LMF1: variants seen among roughly 807,000 people sequenced by gnomAD.
LMF1 encodes the protein transmembrane protein 112.
Under a neutral mutation model 60.6 loss-of-function variants are expected in LMF1, and 68 were observed. That is an observed-to-expected ratio of 1.12 (90% CI 0.92 to 1.37). LMF1 has a LOEUF of 1.37. Ranked by LOEUF, LMF1 falls within the 40% of genes most tolerant of loss-of-function variation. The pLI, the probability that LMF1 is intolerant of heterozygous loss-of-function variation, is 0.00. For synonymous variants in LMF1, 418 were observed against 324.7 expected (o/e 1.29, Z -3.09); for missense variants, 948 against 767.2 (o/e 1.24, Z -2.78).
intron 1 of LMF1, among the ~76,000 whole-genome samples, chr16:965,677 T>G (rs564216150): frequency 6.6e-6 from 1 of 151,992 alleles, no homozygotes; most frequent in South Asian, 2.1e-4. Context: ...AAAAAGAGAA[T>G]CCACCAGCAA....
intron 1 of LMF1, among the ~76,000 whole-genome samples, chr16:954,986 G>C (rs2072643399): frequency 1.3e-5 from 2 of 150,872 alleles, no homozygotes; most frequent in South Asian, 4.2e-4. Context: ...AAGTGAACCA[G>C]ACACGTTACA....
intron 10 of LMF1, among the ~76,000 whole-genome samples, chr16:866,263 G>C (rs1234681014): frequency 1.3e-5 from 2 of 152,230 alleles, no homozygotes; most frequent in African/African-American, 2.4e-5. Flanking sequence ...CATGCTGGTA[G>C]AGACAGGGGT....
At chr16:942,688 T>G (rs2072135007) in intron 2 of LMF1, among the ~76,000 whole-genome samples, 1 of 140,450 alleles carries the variant, frequency 7.1e-6, no homozygotes, top group Non-Finnish European at 1.6e-5. Flanking sequence ...CTCTGTGTCC[T>G]CTCTCTGTGG....
intron 2 of LMF1, among the ~76,000 whole-genome samples, chr16:937,358 T>C (rs5015439): frequency 0.48 from 72,267 of 151,956 alleles, 18,802 homozygotes; most frequent in African/African-American, 0.69. Context: ...AGTCCTTTCC[T>C]GGACAGTGGG....
chr16:880,141 C>T (rs966561662), intron 5 of LMF1, among the ~76,000 whole-genome samples: 1 of 152,164 alleles, frequency 6.6e-6, no homozygotes, highest in African/African-American at 2.4e-5. Flanking sequence ...CACAGGCGGC[C>T]CCTCAGGCTC....
chr16:893,880 A>G (rs1347241873), intron 4 of LMF1, among the ~76,000 whole-genome samples: 2 of 152,070 alleles, frequency 1.3e-5, no homozygotes, highest in Non-Finnish European at 2.9e-5. Flanking sequence ...ACACTGGTGC[A>G]TGGGAGGTGA....
chr16:964,852 G>A (rs1037369514), intron 1 of LMF1, among the ~76,000 whole-genome samples: 2 of 152,216 alleles, frequency 1.3e-5, no homozygotes. Flanking sequence ...CAATGGCACC[G>A]CGGCCCCACC....
intron 2 of LMF1, among the ~76,000 whole-genome samples, chr16:937,153 G>C (rs1006673397): frequency 2.6e-4 from 39 of 152,174 alleles, no homozygotes; most frequent in African/African-American, 9.2e-4. Context: ...TTTGAATTTT[G>C]CATTTCAAGG....
In LMF1 at chr16:922,976, C is replaced by T. The variant is rs34424696; in HGVS notation, c.514+11268G>A. On this transcript the variant is annotated intron_variant, in intron 3 of 10. Coordinates refer to ENST00000262301, the MANE Select transcript of LMF1 (RefSeq NM_022773.4). ...TGTTGCGAAGGCCCTGTGTGAAGGT[C>T]GCCTGGGTTTTCGGGTGTGATGTGG... Among the ~76,000 whole-genome samples the T allele has an allele frequency of 1.1e-4, 11 of 104,308 alleles. No homozygotes were observed. The South Asian group carries it at 2.1e-3, about 20-fold the overall frequency. The allele number at this position is 104,308 out of a possible 152,430, so 68.4% of individuals were successfully genotyped here. A position where few individuals can be genotyped will look rare whatever the true frequency, so the allele number is the denominator to read the frequency against.
chr16:979,075 G>A (rs901537492), intron 1 of LMF1: 3 of 453,892 alleles, frequency 6.6e-6, no homozygotes, highest in African/African-American at 4.0e-5. Flanking sequence ...CAGGAGCTGT[G>A]AGGGTGGCCC....
At position 854,307 on chromosome 16, in the gene LMF1, G is replaced by A. The variant is rs1249115856; in HGVS notation, c.*225C>T. On this transcript the variant is annotated 3_prime_UTR_variant, in exon 11 of 11. Coordinates refer to ENST00000262301, the MANE Select transcript of LMF1 (RefSeq NM_022773.4). ...GGAGATCAGAGCCCCTGGCGCCTGG[G>A]ACAAGGGTTGGCCTGGATGTGGGGC... The A allele has an allele frequency of 2.9e-6, 2 of 691,402 alleles. No homozygotes were observed. Among genetic ancestry groups the A allele is most frequent in the Admixed American group, 2.0e-5 (1 of 49,576 alleles). The allele number at this position is 691,402 out of a possible 1,614,324, so 42.8% of individuals were successfully genotyped here.
intron 5 of LMF1, among the ~76,000 whole-genome samples, chr16:882,020 A>G (rs2070175627): frequency 6.6e-6 from 1 of 152,168 alleles, no homozygotes; most frequent in African/African-American, 2.4e-5. Context: ...CCCCGTGGGA[A>G]GCGGCCCTTG....
chr16:888,745 T>G, intron 5 of LMF1, among the ~76,000 whole-genome samples: 1 of 137,154 alleles, frequency 7.3e-6, no homozygotes, highest in Non-Finnish European at 1.6e-5. Flanking sequence ...CTGGGGGGGG[T>G]CCTAGGTACA....
At chr16:968,044 T>C (rs2151494264) in intron 1 of LMF1, among the ~76,000 whole-genome samples, 2 of 152,334 alleles carry the variant, frequency 1.3e-5, no homozygotes, top group Middle Eastern at 3.4e-3. Flanking sequence ...CAGCAGGGCA[T>C]GCCCGACACC....
Position 964,755 on chromosome 16 carries a change from C to G in LMF1, c.193+6033G>C, listed in dbSNP as rs184880717. Among the ~76,000 whole-genome samples, 13 of 152,342 alleles carry G rather than the reference C, an allele frequency of 8.5e-5. 1 individual carries two copies. Among genetic ancestry groups the G allele is most frequent in the Admixed American group, 7.8e-4 (12 of 15,306 alleles). ...TTAGCAAATACGGGTGCAAACGATT[C>G]TGCCTGCCACGTCAACCCTGCCTCG... On this transcript the variant is annotated intron_variant, in intron 1 of 10. Transcript: ENST00000262301.
Position 888,607 on chromosome 16 carries a change from C to T in LMF1, c.729+4400G>A, listed in dbSNP as rs569101034. 1.1e-4 allele frequency among the ~76,000 whole-genome samples: 16 copies of T among 152,328 alleles called. No homozygotes were observed. The South Asian group carries it at 1.5e-3, about 14-fold the overall frequency. ...CATTCACAACCTGCTGTTGCATCCGCGTCGTCAGGCAACCGCTCCGATGTG... is the reference window on the plus strand; with the variant it reads ...CATTCACAACCTGCTGTTGCATCCGTGTCGTCAGGCAACCGCTCCGATGTG... On this transcript the variant is annotated intron_variant, in intron 5 of 10. Transcript: ENST00000262301.
intron 4 of LMF1, chr16:901,091 G>T (rs1312440207): frequency 6.6e-6 from 1 of 152,140 alleles, no homozygotes; most frequent in Non-Finnish European, 1.5e-5. Flanking sequence ...GGGTTGGGAG[G>T]GGGAAGGTAC....
At chr16:922,847 G>A (rs1384036742) in intron 3 of LMF1, among the ~76,000 whole-genome samples, 5 of 124,262 alleles carry the variant, frequency 4.0e-5, no homozygotes, top group Non-Finnish European at 8.1e-5. Flanking sequence ...TGTGAAAGTC[G>A]CCTCGGTTTT....
intron 1 of LMF1, among the ~76,000 whole-genome samples, chr16:959,840 T>G (rs1200161095): frequency 7.6e-6 from 1 of 130,826 alleles, no homozygotes; most frequent in African/African-American, 3.6e-5. Context: ...AAGACTGGAA[T>G]ACACCGTGTG....
Sources: gnomAD v4.1 joint callset for allele counts (sites outside exome capture counted in the v4.1 genomes callset) on GRCh38, gnomAD v4.1.1 for gene constraint, MANE v1.5 for transcripts, NCBI Gene and HGNC (gene_info 2026-07-23, HGNC 2026-07-21) for gene names.